The following PPP2R3B variants were observed in gnomAD, a reference collection of about 807,000 sequenced individuals.
The protein encoded by PPP2R3B is serine/threonine-protein phosphatase 2A regulatory subunit B'' subunit beta.
In PPP2R3B, 68 loss-of-function variants were observed where a neutral mutation model predicts 72.9. The ratio of observed to expected loss-of-function variants is 0.93; its 90% CI spans 0.77 to 1.14. The LOEUF (loss-of-function observed/expected upper bound fraction) is 1.14, where lower values mean the gene tolerates loss of function less well. PPP2R3B is among the 50% of genes most tolerant of loss of function. The pLI is 0.00. For missense variants in PPP2R3B, 1,018 were observed against 842.0 expected (o/e 1.21, Z -2.59); for synonymous variants, 466 against 375.8 (o/e 1.24, Z -2.78).
Position 334,165 on chromosome X carries a change from C to T in PPP2R3B, c.*202G>A, listed in dbSNP as rs1198365666. 2 of 519,712 alleles carry T rather than the reference C, an allele frequency of 3.8e-6. No individual in the cohort carries two copies. The highest frequency in any genetic ancestry group is 6.2e-6 in the Non-Finnish European group (2 of 321,546). The allele number at this position is 519,712 out of a possible 1,614,324, so 32.2% of individuals were successfully genotyped here. A position where few individuals can be genotyped will look rare whatever the true frequency, so the allele number is the denominator to read the frequency against. On this transcript the variant is annotated 3_prime_UTR_variant, in exon 13 of 13. Transcript: ENST00000390665. ...GGGAACCCGTCCCATTCACGCGCGG[C>T]CCTACGTGTCCCCCTGGCACAGAGC...
intron 1 of PPP2R3B, among the ~76,000 whole-genome samples, chrX:363,834 C>A (rs1044499667): frequency 6.6e-6 from 1 of 152,250 alleles, no homozygotes; most frequent in Non-Finnish European, 1.5e-5. Flanking sequence ...ATTTGGGGTA[C>A]GGAACTGACC....
chrX:344,929 T>C, intron 7 of PPP2R3B: 1 of 342,548 alleles, frequency 2.9e-6, no homozygotes, highest in Non-Finnish European at 5.8e-6. Context: ...TTTTTTGGGG[T>C]AAAAAGCACA....
intron 1 of PPP2R3B, among the ~76,000 whole-genome samples, chrX:363,286 GATCCCGCAGTGCATCTCCCCGAGCCCACC>G (rs1223705540): frequency 4.2e-5 from 5 of 118,860 alleles, no homozygotes; most frequent in Admixed American, 8.4e-5. Context: ...CCGAGCCCAC[GATCCCGCAGTGCATCTCCCCGAGCCCACC>G]ATCCCACAGT....
At chrX:341,286 C>G (rs1266959307) in intron 9 of PPP2R3B, 21 bp downstream of exon 9, 8 of 1,611,648 alleles carry the variant, frequency 5.0e-6, no homozygotes, top group Non-Finnish European at 6.8e-6. Flanking sequence ...GGGACAAACG[C>G]ATGCCGCAGC....
intron 1 of PPP2R3B, among the ~76,000 whole-genome samples, chrX:378,441 G>C (rs914114557): frequency 1.8e-4 from 27 of 152,160 alleles, no homozygotes; most frequent in Admixed American, 5.2e-4. Flanking sequence ...AAAGGCTTAC[G>C]AAGGCGACCT....
chrX:341,464 C>T (rs2071073187), intron 8 of PPP2R3B, 68 bp from the exon 9 acceptor site: 2 of 1,544,160 alleles, frequency 1.3e-6, no homozygotes, highest in Non-Finnish European at 1.8e-6. Flanking sequence ...AACGGAGCCC[C>T]TGTCCACGCG....
At position 345,785 on chromosome X, in the gene PPP2R3B, G is replaced by C. The variant is rs1328491504; in HGVS notation, c.880-113C>G. 2.7e-6 allele frequency: 3 copies of C among 1,115,276 alleles called. No individual in the cohort carries two copies. In the Admixed American group the frequency reaches 6.9e-5, roughly 26 times the overall value. 69.1% of individuals were successfully genotyped at this position (1,115,276 alleles called of 1,614,324 possible). On this transcript the variant is annotated intron_variant, in intron 6 of 12. Coordinates refer to ENST00000390665, the MANE Select transcript of PPP2R3B (RefSeq NM_013239.5). ...GGAGGGTCGGGGCCGCTCCGTGGGT[G>C]GGGGGGACTGGGCAGCTGGGGCCGG...
intron 1 of PPP2R3B, among the ~76,000 whole-genome samples, chrX:367,136 G>C (rs1017205955): frequency 1.3e-5 from 2 of 152,178 alleles, no homozygotes; most frequent in Admixed American, 6.5e-5. Flanking sequence ...AAATGCAGCA[G>C]GGAGAAGCCA....
rs757735947 is a variant in PPP2R3B, at chrX:340,940, G to A, written c.1176C>T (p.Ser392=). Residue 392 remains serine, a splice_region_variant and synonymous_variant, in exon 10 of 13, where the codon AGC becomes AGT. Coordinates refer to ENST00000390665, the MANE Select transcript of PPP2R3B (RefSeq NM_013239.5). ...CCATGCAGCGGAACCAGTACTCGAT[G>A]CTGCGGCACGGCGAGCTCTGTCAGC... is the stretch of plus-strand genomic sequence containing the variant. The part of the protein sequence containing the change: ...ISEEDKKTPT[S]IEYWFRCMDL... The A allele has an allele frequency of 4.0e-5, 65 of 1,609,394 alleles. No individual in the cohort carries two copies. Among genetic ancestry groups the A allele is most frequent in the Non-Finnish European group, 5.3e-5 (63 of 1,178,256 alleles).
chrX:347,704 G>A lies in PPP2R3B; in HGVS notation c.511-11C>T, dbSNP rs1359566895. The A allele has an allele frequency of 5.9e-6, 9 of 1,517,342 alleles. No homozygotes were observed. The highest frequency in any genetic ancestry group is 7.0e-6 in the Non-Finnish European group (8 of 1,135,392). The allele number at this position is 1,517,342 out of a possible 1,614,324, so 94.0% of individuals were successfully genotyped here. On this transcript the variant is annotated splice_polypyrimidine_tract_variant and intron_variant, in intron 2 of 12. Coordinates refer to ENST00000390665, the MANE Select transcript of PPP2R3B (RefSeq NM_013239.5). Reference sequence around the variant, plus strand: ...GGGGCAGCCGCAGGCCTGGGGCAGAGAGGGCAGGAGTGGGCAGTCAGCAGG... The same window carrying A: ...GGGGCAGCCGCAGGCCTGGGGCAGAAAGGGCAGGAGTGGGCAGTCAGCAGG...
chrX:345,415 G>A (rs2071179294), intron 7 of PPP2R3B, 101 bp downstream of exon 7: 4 of 1,460,368 alleles, frequency 2.7e-6, no homozygotes, highest in Non-Finnish European at 3.8e-6. Flanking sequence ...CAGACACAGA[G>A]CTGGGAGTGC....
chrX:338,845 AAG>A lies in PPP2R3B; in HGVS notation c.1401_1402del (p.Phe468ArgfsTer25). On this transcript the variant is annotated frameshift_variant, in exon 11 of 13. Coordinates refer to ENST00000390665, the MANE Select transcript of PPP2R3B (RefSeq NM_013239.5). LOFTEE classifies it high-confidence loss of function. The stretch of plus-strand genomic sequence containing the variant: ...CTTCTCGATGTTGAAGAAGGTGTCG[AAG>A]AAGACGTTAGCCAGCTTGCAGCGCT... 1.2e-6 allele frequency: 2 copies of A among 1,612,420 alleles called. No individual in the cohort carries two copies. The highest frequency in any genetic ancestry group is 1.7e-6 in the Non-Finnish European group (2 of 1,179,698).
chrX:334,415 CACGGCGCCCAGCGGTG>C lies in PPP2R3B; in HGVS notation c.1664_1679del (p.Ser555TrpfsTer53), dbSNP rs1487017124. On this transcript the variant is annotated frameshift_variant, in exon 13 of 13. Transcript: ENST00000390665. LOFTEE classifies it high-confidence loss of function. ...CCCCGCATGCGTACTCGTACAGGTC[CACGGCGCCCAGCGGTG>C]AGGGCGCCTCGAAGAAGGGCCTCTG... 6.9e-6 allele frequency: 11 copies of C among 1,591,568 alleles called. No homozygotes were observed. The highest frequency in any genetic ancestry group is 1.7e-5 in the Admixed American group (1 of 57,558).
intron 2 of PPP2R3B, 79 bp downstream of exon 2, chrX:361,326 C>T: frequency 6.6e-7 from 1 of 1,522,222 alleles, no homozygotes; most frequent in African/African-American, 1.4e-5. Context: ...TGACACGCAC[C>T]CACCACGGCC....
intron 2 of PPP2R3B, among the ~76,000 whole-genome samples, chrX:348,745 C>T (rs1434682719): frequency 1.3e-5 from 2 of 152,138 alleles, no homozygotes; most frequent in Non-Finnish European, 2.9e-5. Flanking sequence ...TCTGAAAGAG[C>T]TGTTTCTGCA....
chrX:379,110 T>C (rs2124404900), intron 1 of PPP2R3B, among the ~76,000 whole-genome samples: 1 of 150,712 alleles, frequency 6.6e-6, no homozygotes, highest in East Asian at 2.0e-4. Flanking sequence ...TATGCACCTG[T>C]GTGTGCACCT....
At position 334,151 on chromosome X, in the gene PPP2R3B, C is replaced by T; in HGVS notation, c.*216G>A. The T allele has an allele frequency of 2.1e-6, 1 of 465,530 alleles. No homozygotes were observed. The highest frequency in any genetic ancestry group is 3.6e-6 in the Non-Finnish European group (1 of 278,478). 28.8% of individuals were successfully genotyped at this position (465,530 alleles called of 1,614,324 possible). Reference sequence around the variant, plus strand: ...GAGGGTGTCCGTGTGGGAACCCGTCCCATTCACGCGCGGCCCTACGTGTCC... The same window carrying T: ...GAGGGTGTCCGTGTGGGAACCCGTCTCATTCACGCGCGGCCCTACGTGTCC... On this transcript the variant is annotated 3_prime_UTR_variant, in exon 13 of 13. Coordinates refer to ENST00000390665, the MANE Select transcript of PPP2R3B (RefSeq NM_013239.5).
intron 2 of PPP2R3B, among the ~76,000 whole-genome samples, chrX:359,477 T>A (rs35618246): frequency 6.6e-6 from 1 of 152,070 alleles, no homozygotes; most frequent in Non-Finnish European, 1.5e-5. Context: ...AGTTACAGCA[T>A]ACTAGGTAAA....
intron 1 of PPP2R3B, 128 bp downstream of exon 1, chrX:386,240 G>T (rs1201940667): frequency 3.0e-6 from 2 of 660,980 alleles, no homozygotes; most frequent in South Asian, 8.0e-5. Context: ...GTCGGGGCGG[G>T]GAACAGACTC....
Sources: gnomAD v4.1 joint callset for allele counts (sites outside exome capture counted in the v4.1 genomes callset) on GRCh38, gnomAD v4.1.1 for gene constraint, MANE v1.5 for transcripts, NCBI Gene and HGNC (gene_info 2026-07-23, HGNC 2026-07-21) for gene names.